Variants in PHLDB2 observed in about 807,000 individuals in gnomAD.
The protein encoded by PHLDB2 is pleckstrin homology like domain family B member 2, also known as pleckstrin homology-like domain family B member 2.
Under a neutral mutation model 123.6 loss-of-function variants are expected in PHLDB2, and 71 were observed. That is an observed-to-expected ratio of 0.57 (90% CI 0.47 to 0.70). The LOEUF is 0.70. Among genes scored for constraint, PHLDB2 ranks in the 30% least tolerant of loss-of-function variants. PHLDB2 has a pLI of 0.00. For synonymous variants in PHLDB2, 547 were observed against 541.6 expected (o/e 1.01, Z -0.14); for missense variants, 1,446 against 1,519.5 (o/e 0.95, Z 0.80).
At chr3:111,800,825 G>A (rs2061348540) in intron 1 of PHLDB2, among the ~76,000 whole-genome samples, 3 of 152,184 alleles carry the variant, frequency 2.0e-5, no homozygotes, top group Middle Eastern at 3.2e-3. Flanking sequence ...CTGAGGGAGT[G>A]TGAGAACACA....
At chr3:111,827,870 A>G (rs947898370) in intron 1 of PHLDB2, among the ~76,000 whole-genome samples, 5 of 152,178 alleles carry the variant, frequency 3.3e-5, no homozygotes, top group Admixed American at 3.3e-4. Flanking sequence ...CTAAGGGCTC[A>G]GTACATATTT....
At chr3:111,973,907 G>A in intron 17 of PHLDB2, 90 bp downstream of exon 17, 5 of 770,064 alleles carry the variant, frequency 6.5e-6, no homozygotes, top group South Asian at 1.9e-5. Flanking sequence ...TGAAATTGAT[G>A]TTCTGATGTA....
At chr3:111,966,751 GA>G in intron 14 of PHLDB2, 48 bp downstream of exon 14, 4 of 1,498,708 alleles carry the variant, frequency 2.7e-6, no homozygotes, top group Non-Finnish European at 2.8e-6. Flanking sequence ...CGTGGTGCAG[GA>G]GCCCTGCGCT....
At chr3:111,815,003 A>G (rs975145079) in intron 1 of PHLDB2, among the ~76,000 whole-genome samples, 17 of 152,300 alleles carry the variant, frequency 1.1e-4, no homozygotes, top group African/African-American at 4.1e-4. Context: ...TTCTTGTGAT[A>G]GTGAATGAGT....
At position 111,812,570 on chromosome 3, in the gene PHLDB2, C is replaced by T. The variant is rs139917734; in HGVS notation, c.-48-33251C>T. Among the ~76,000 whole-genome samples the T allele has an allele frequency of 3.2e-3, 484 of 152,254 alleles. 2 individuals are homozygous for T. The highest frequency in any genetic ancestry group is 6.8e-3 in the Middle Eastern group (2 of 294). ...GGAGATTTTCAGCTGGCTTCTTCTA[C>T]ACTATGAGACCATCTCCAGGCTTAG... is the stretch of plus-strand genomic sequence containing the variant. On this transcript the variant is annotated intron_variant, in intron 1 of 17. Coordinates refer to the PHLDB2 transcript ENST00000393923.
chr3:111,812,032 C>G (rs1367392394), intron 1 of PHLDB2, among the ~76,000 whole-genome samples: 2 of 152,202 alleles, frequency 1.3e-5, no homozygotes, highest in Non-Finnish European at 2.9e-5. Flanking sequence ...GCCCTGCTAT[C>G]AACCCCGTCT....
intron 1 of PHLDB2, among the ~76,000 whole-genome samples, chr3:111,757,938 T>G (rs1340746946): frequency 2.0e-5 from 3 of 152,198 alleles, no homozygotes; most frequent in African/African-American, 4.8e-5. Context: ...CCGCGAATGC[T>G]GCTGTCTGAT....
At position 111,884,692 on chromosome 3, in the gene PHLDB2, A is replaced by G. The variant is rs1049690373; in HGVS notation, c.615A>G (p.Pro205=). 6.2e-7 allele frequency: 1 copy of G among 1,614,134 alleles called. No individual in the cohort carries two copies. The highest frequency in any genetic ancestry group is 8.5e-7 in the Non-Finnish European group (1 of 1,180,012). ...RSGAASMPSS[P]KQARKMSIQD... ...GAGCCGCAAGCATGCCTTCAAGCCC[A>G]AAGCAAGCCAGGAAAATGAGCATTC... Residue 205 remains proline (P), a synonymous_variant, in exon 2 of 18, where the codon CCA becomes CCG. Coordinates refer to ENST00000431670, the MANE Select transcript of PHLDB2 (RefSeq NM_001134438.2).
chr3:111,853,648 G>A (rs2064358113), intron 2 of PHLDB2, among the ~76,000 whole-genome samples: 1 of 152,110 alleles, frequency 6.6e-6, no homozygotes, highest in Admixed American at 6.5e-5. Flanking sequence ...GGCCGAGGTG[G>A]GTGGATCAAC....
At chr3:111,903,809 A>G (rs1210051516) in intron 2 of PHLDB2, among the ~76,000 whole-genome samples, 1 of 152,180 alleles carries the variant, frequency 6.6e-6, no homozygotes, top group East Asian at 1.9e-4. Flanking sequence ...AATTCTTCCA[A>G]GATCCCAAGG....
chr3:111,919,538 A>T (rs750412062), intron 4 of PHLDB2, among the ~76,000 whole-genome samples: 1 of 152,172 alleles, frequency 6.6e-6, no homozygotes, highest in Non-Finnish European at 1.5e-5. Flanking sequence ...CTGTATTTAG[A>T]TTTCAAGGTC....
chr3:111,934,330 T>TGA (rs1178315114), intron 6 of PHLDB2, among the ~76,000 whole-genome samples: 1 of 152,164 alleles, frequency 6.6e-6, no homozygotes. Context: ...AAAGTTCACT[T>TGA]TAGGACCTTT....
At chr3:111,745,414 A>G (rs903622498) in intron 1 of PHLDB2, among the ~76,000 whole-genome samples, 1 of 152,196 alleles carries the variant, frequency 6.6e-6, no homozygotes, top group Non-Finnish European at 1.5e-5. Context: ...CAGCAATCCT[A>G]TGAGGTAGCT....
chr3:111,739,599 A>AACG (rs2059568667), intron 1 of PHLDB2, among the ~76,000 whole-genome samples: 1 of 131,698 alleles, frequency 7.6e-6, no homozygotes, highest in Non-Finnish European at 1.6e-5. Flanking sequence ...AAAACAAACA[A>AACG]AAAAAAAAAA....
chr3:111,855,629 CTTTTTT>C (rs11368889), upstream of PHLDB2, among the ~76,000 whole-genome samples: 1,027 of 79,886 alleles, frequency 0.013, 39 homozygotes, highest in East Asian at 0.17. Flanking sequence ...CTGCATTTGT[CTTTTTT>C]TTTTTTTTTT....
chr3:111,846,836 T>C (rs1161781878), intron 2 of PHLDB2, among the ~76,000 whole-genome samples: 1 of 152,142 alleles, frequency 6.6e-6, no homozygotes, highest in Non-Finnish European at 1.5e-5. Context: ...AGGGAGTGTT[T>C]ATCTCGAGCA....
chr3:111,958,709 A>G (rs1223276705), intron 12 of PHLDB2: 1 of 455,860 alleles, frequency 2.2e-6, no homozygotes, highest in African/African-American at 2.0e-5. Flanking sequence ...AAGGATTTAG[A>G]GCATTTTCAA....
At chr3:111,854,568 C>T (rs532231470), upstream of PHLDB2, among the ~76,000 whole-genome samples, 49 of 152,282 alleles carry the variant, frequency 3.2e-4, no homozygotes, top group African/African-American at 1.2e-3. Context: ...AGCAAATATA[C>T]AGATTCAGGA....
At chr3:111,882,030 A>G (rs1203925934) in intron 1 of PHLDB2, among the ~76,000 whole-genome samples, 1 of 152,164 alleles carries the variant, frequency 6.6e-6, no homozygotes, top group Admixed American at 6.5e-5. Flanking sequence ...CTGATTATAT[A>G]TATGTTTTTT....
Sources: allele counts gnomAD v4.1 joint callset (sites outside exome capture counted in the v4.1 genomes callset), GRCh38; gene constraint gnomAD v4.1.1; transcripts MANE v1.5; gene names NCBI Gene and HGNC (gene_info 2026-07-23, HGNC 2026-07-21).